Variants in SAMMSON observed in about 807,000 individuals in gnomAD.
SAMMSON encodes survival associated mitochondrial melanoma specific oncogenic non-coding RNA, also known as long intergenic non-protein coding RNA 1212.
chr3:70,313,410 C>G (rs143977990), intron 7 of SAMMSON, among the ~76,000 whole-genome samples: 1 of 149,870 alleles, frequency 6.7e-6, no homozygotes, highest in African/African-American at 2.5e-5. Context: ...CCTAGGAGGT[C>G]GGGGCAGCAG....
At chr3:70,361,020 G>A (rs1177168529) in intron 9 of SAMMSON, among the ~76,000 whole-genome samples, 1 of 152,056 alleles carries the variant, frequency 6.6e-6, no homozygotes, top group African/African-American at 2.4e-5. Context: ...TATGAGGTAG[G>A]TACTTAACCA....
intron 4 of SAMMSON, among the ~76,000 whole-genome samples, chr3:70,184,705 A>G (rs561707629): frequency 2.6e-5 from 4 of 152,230 alleles, no homozygotes; most frequent in Non-Finnish European, 2.9e-5. Flanking sequence ...TTGGAGTCTC[A>G]GTTCCCATTG....
chr3:70,101,756 A>G (rs895445505), intron 4 of SAMMSON, among the ~76,000 whole-genome samples: 23 of 152,306 alleles, frequency 1.5e-4, no homozygotes, highest in Middle Eastern at 3.4e-3. Context: ...AGAATTCCTC[A>G]TTTGACTCGT....
intron 3 of SAMMSON, among the ~76,000 whole-genome samples, chr3:70,034,926 T>A (rs1466921558): frequency 6.6e-6 from 1 of 152,194 alleles, no homozygotes; most frequent in East Asian, 1.9e-4. Context: ...TTAGAATTGT[T>A]CTATTAATTT....
At chr3:70,311,671 C>T (rs1702454334) in intron 7 of SAMMSON, among the ~76,000 whole-genome samples, 1 of 151,748 alleles carries the variant, frequency 6.6e-6, no homozygotes, top group Admixed American at 6.6e-5. Context: ...ATGTTTCCTG[C>T]AATACAGGGA....
chr3:70,418,217 C>G (rs796226786), intron 2 of SAMMSON, among the ~76,000 whole-genome samples: 6 of 152,296 alleles, frequency 3.9e-5, no homozygotes, highest in African/African-American at 1.4e-4. Flanking sequence ...AAGATAGTTT[C>G]CTCCCATAAG....
At chr3:70,356,994 C>A (rs1243789265) in intron 8 of SAMMSON, among the ~76,000 whole-genome samples, 1 of 152,114 alleles carries the variant, frequency 6.6e-6, no homozygotes, top group Non-Finnish European at 1.5e-5. Flanking sequence ...TACAGTAAGT[C>A]ACCTACTTTT....
chr3:70,264,407 T>C (rs4974283), intron 6 of SAMMSON, among the ~76,000 whole-genome samples: 84,571 of 152,074 alleles, frequency 0.56, 24,063 homozygotes, highest in Non-Finnish European at 0.62. Flanking sequence ...CAACAGGGCT[T>C]ATCCAATGAC....
chr3:70,131,208 G>A (rs1196161385), intron 4 of SAMMSON, among the ~76,000 whole-genome samples: 1 of 152,152 alleles, frequency 6.6e-6, no homozygotes, highest in Non-Finnish European at 1.5e-5. Flanking sequence ...ATATCATTGA[G>A]GAACTCAGAC....
chr3:70,330,532 G>T (rs563320288), intron 7 of SAMMSON, among the ~76,000 whole-genome samples: 20 of 151,980 alleles, frequency 1.3e-4, no homozygotes, highest in Non-Finnish European at 2.5e-4. Context: ...GGAAGGAGAG[G>T]AAAAACTCAA....
intron 4 of SAMMSON, among the ~76,000 whole-genome samples, chr3:70,146,911 T>C (rs967502689): frequency 6.6e-6 from 1 of 151,986 alleles, no homozygotes; most frequent in African/African-American, 2.4e-5. Flanking sequence ...GATGATATAA[T>C]TATTAATGTA....
rs538195413 is a variant in SAMMSON, at chr3:70,045,327, C to T, written n.418-26149C>T. On this transcript the variant is annotated intron_variant and non_coding_transcript_variant, in intron 3 of 9. Transcript: ENST00000642114. The stretch of plus-strand genomic sequence containing the variant: ...TTTTTGCAGGCAAAGAATCACCCAT[C>T]GAAACAATTTAGAAGCAAATGGAGG... 9.4e-4 allele frequency among the ~76,000 whole-genome samples: 141 copies of T among 149,970 alleles called. 1 individual carries two copies. The highest frequency in any genetic ancestry group is 3.6e-3 in the South Asian group (17 of 4,786).
At chr3:70,366,599 C>A (rs1215469000) in intron 9 of SAMMSON, among the ~76,000 whole-genome samples, 6 of 146,842 alleles carry the variant, frequency 4.1e-5, no homozygotes, top group African/African-American at 1.5e-4. Context: ...TGAAGGACAT[C>A]TTGGTGGTTA....
rs1300053046 is a variant in SAMMSON, at chr3:70,097,783, C to A, written n.507+26218C>A. Among the ~76,000 whole-genome samples the A allele has an allele frequency of 1.4e-4, 21 of 152,150 alleles. 1 individual carries two copies. The highest frequency in any genetic ancestry group is 1.4e-3 in the Admixed American group (21 of 15,270). Reference sequence around the variant, plus strand: ...AGGTTACTCGCAATCATTTAAAAGACCCTATATTCATCTCAAAACCCAGAA... The same window carrying A: ...AGGTTACTCGCAATCATTTAAAAGAACCTATATTCATCTCAAAACCCAGAA... On this transcript the variant is annotated intron_variant and non_coding_transcript_variant, in intron 4 of 9. Coordinates refer to ENST00000642114, the Ensembl canonical transcript of SAMMSON.
chr3:70,334,940 T>A (rs1702650164), intron 7 of SAMMSON, among the ~76,000 whole-genome samples: 1 of 152,082 alleles, frequency 6.6e-6, no homozygotes. Context: ...GTGACTTTTT[T>A]ATTTCTGGAT....
At chr3:70,060,656 A>G (rs925500841) in intron 3 of SAMMSON, among the ~76,000 whole-genome samples, 5 of 152,102 alleles carry the variant, frequency 3.3e-5, no homozygotes, top group Non-Finnish European at 5.9e-5. Flanking sequence ...TGCTACTGGC[A>G]TCTGGTAGGC....
At chr3:70,062,387 A>G (rs528928636) in intron 3 of SAMMSON, among the ~76,000 whole-genome samples, 1 of 152,188 alleles carries the variant, frequency 6.6e-6, no homozygotes, top group Admixed American at 6.5e-5. Context: ...AAATACTGGC[A>G]ATTTCTTGTG....
intron 9 of SAMMSON, among the ~76,000 whole-genome samples, chr3:70,386,274 T>C (rs913046132): frequency 5.9e-5 from 9 of 152,108 alleles, no homozygotes; most frequent in African/African-American, 1.9e-4. Flanking sequence ...TCAACAGCTC[T>C]ACCTAGCTCT....
intron 4 of SAMMSON, chr3:70,075,333 G>A (rs1456651485): frequency 6.6e-6 from 1 of 152,060 alleles, no homozygotes; most frequent in Admixed American, 6.6e-5. Flanking sequence ...CAATATTTAT[G>A]TTGTTACTCA....
Sources: allele counts gnomAD v4.1 joint callset (sites outside exome capture counted in the v4.1 genomes callset), GRCh38; gene constraint gnomAD v4.1.1; transcripts MANE v1.5; gene names NCBI Gene and HGNC (gene_info 2026-07-23, HGNC 2026-07-21).